METTL8: variants seen among roughly 807,000 people sequenced by gnomAD.
METTL8 encodes the protein tRNA N(3)-cytidine methyltransferase METTL8, mitochondrial.
METTL8 carries 32 observed loss-of-function variants against 48.7 expected under a neutral mutation model. That is an observed-to-expected ratio of 0.66 (90% CI 0.50 to 0.88). The LOEUF is 0.88. METTL8 is among the 40% of genes least tolerant of loss of function. The probability of loss-of-function intolerance (pLI) is 0.00; values close to 1 mark genes in which losing one functional copy is unlikely to be tolerated. For synonymous variants in METTL8, 136 were observed against 157.1 expected, an observed-to-expected ratio of 0.87 and a Z score of 1.01; for missense variants, 464 against 474.4, an observed-to-expected ratio of 0.98 and a Z score of 0.20.
intron 1 of METTL8, among the ~76,000 whole-genome samples, chr2:171,404,091 A>ATATATATATG: frequency 9.3e-6 from 1 of 107,418 alleles, no homozygotes; most frequent in South Asian, 3.0e-4. Flanking sequence ...ATATATATAT[A>ATATATATATG]TATATATATG....
chr2:171,356,996 G>T (rs1457109639), intron 3 of METTL8, among the ~76,000 whole-genome samples: 1 of 112,892 alleles, frequency 8.9e-6, no homozygotes, highest in African/African-American at 3.2e-5. Flanking sequence ...CTGTCACCCA[G>T]GCTGCAGTGC....
chr2:171,433,515 C>A (rs1439704892), intron 1 of METTL8, among the ~76,000 whole-genome samples: 1 of 152,138 alleles, frequency 6.6e-6, no homozygotes, highest in Non-Finnish European at 1.5e-5. Context: ...TGCAAGCTTG[C>A]TGAAAGTTTA....
chr2:171,361,523 T>C (rs1448159898), intron 2 of METTL8, among the ~76,000 whole-genome samples: 1 of 152,184 alleles, frequency 6.6e-6, no homozygotes, highest in African/African-American at 2.4e-5. Flanking sequence ...TAATTATAAT[T>C]ATAGTAACTG....
chr2:171,331,875 G>T lies in METTL8; in HGVS notation c.657-8C>A. On this transcript the variant is annotated splice_polypyrimidine_tract_variant and splice_region_variant and intron_variant, in intron 5 of 9. Transcript: ENST00000375258. ...AAGGACTCCGGAGAGTTCCTATGAA[G>T]ATGGAAGAAATATTTATTTATTTTT... is the stretch of plus-strand genomic sequence containing the variant. 1.3e-6 allele frequency: 2 copies of T among 1,579,948 alleles called. No individual in the cohort carries two copies. Among genetic ancestry groups the T allele is most frequent in the African/African-American group, 1.3e-5 (1 of 74,642 alleles).
intron 1 of METTL8, among the ~76,000 whole-genome samples, chr2:171,395,464 C>A (rs1486908556): frequency 6.6e-6 from 1 of 152,090 alleles, no homozygotes; most frequent in Non-Finnish European, 1.5e-5. Flanking sequence ...ATAAGGCAAG[C>A]ACTTTAAATA....
intron 3 of METTL8, among the ~76,000 whole-genome samples, chr2:171,347,733 T>C (rs764045654): frequency 9.8e-5 from 15 of 152,368 alleles, no homozygotes; most frequent in South Asian, 4.1e-4. Context: ...AGCACAGTTA[T>C]ACTTCTTCAG....
chr2:171,398,831 A>C (rs1406011434), intron 1 of METTL8, among the ~76,000 whole-genome samples: 1 of 152,172 alleles, frequency 6.6e-6, no homozygotes, highest in East Asian at 1.9e-4. Flanking sequence ...ACAATTAAAG[A>C]AGAGAAGCTA....
At chr2:171,398,608 G>A (rs142353349) in intron 1 of METTL8, among the ~76,000 whole-genome samples, 40 of 152,232 alleles carry the variant, frequency 2.6e-4, no homozygotes, top group South Asian at 1.7e-3. Flanking sequence ...GGATGAACAC[G>A]TCTACAGATC....
chr2:171,328,993 A>ATT (rs113422093), intron 7 of METTL8, among the ~76,000 whole-genome samples: 2 of 119,228 alleles, frequency 1.7e-5, no homozygotes, highest in African/African-American at 6.1e-5. Flanking sequence ...CCAGCCTTTT[A>ATT]TTTTTTTTTT....
At chr2:171,424,650 G>T (rs981767940) in intron 1 of METTL8, among the ~76,000 whole-genome samples, 10 of 152,232 alleles carry the variant, frequency 6.6e-5, no homozygotes, top group Admixed American at 3.9e-4. Flanking sequence ...TTTGGAATGG[G>T]TGTATTTACC....
At chr2:171,378,968 C>T (rs1207643699) in intron 2 of METTL8, among the ~76,000 whole-genome samples, 1 of 152,200 alleles carries the variant, frequency 6.6e-6, no homozygotes, top group East Asian at 1.9e-4. Flanking sequence ...CTTCTCAGTG[C>T]CATATGGCAC....
intron 3 of METTL8, among the ~76,000 whole-genome samples, chr2:171,352,283 A>T (rs1230910872): frequency 1.3e-5 from 2 of 152,162 alleles, no homozygotes; most frequent in Admixed American, 6.5e-5. Flanking sequence ...GTGTATGTTG[A>T]ACCAGCCTTG....
At chr2:171,399,836 A>G in intron 1 of METTL8, among the ~76,000 whole-genome samples, 1 of 152,092 alleles carries the variant, frequency 6.6e-6, no homozygotes, top group East Asian at 1.9e-4. Flanking sequence ...TGCAAATTGA[A>G]AAAATATTTT....
At chr2:171,384,827 G>A (rs1687892746) in intron 2 of METTL8, among the ~76,000 whole-genome samples, 4 of 152,080 alleles carry the variant, frequency 2.6e-5, no homozygotes, top group Admixed American at 2.6e-4. Flanking sequence ...GCAAGATGCT[G>A]TCTTTAAATT....
chr2:171,331,495 C>T (rs1685527418), intron 6 of METTL8, among the ~76,000 whole-genome samples: 2 of 151,828 alleles, frequency 1.3e-5, no homozygotes, highest in African/African-American at 2.4e-5. Context: ...TGGCACACCG[C>T]AACCTCCACC....
chr2:171,412,140 T>G (rs145415390), intron 1 of METTL8, among the ~76,000 whole-genome samples: 1 of 152,334 alleles, frequency 6.6e-6, no homozygotes, highest in Admixed American at 6.5e-5. Flanking sequence ...GCCCAAAGAT[T>G]GGGCAAGTTC....
intron 3 of METTL8, among the ~76,000 whole-genome samples, 164 bp downstream of exon 3, chr2:171,360,258 T>G (rs533699384): frequency 6.6e-6 from 1 of 152,188 alleles, no homozygotes; most frequent in Non-Finnish European, 1.5e-5. Context: ...AATACAAATT[T>G]CATTAACTTT....
At chr2:171,368,988 C>T (rs572411066) in intron 2 of METTL8, among the ~76,000 whole-genome samples, 1 of 152,092 alleles carries the variant, frequency 6.6e-6, no homozygotes, top group African/African-American at 2.4e-5. Flanking sequence ...AAAAACCCCA[C>T]AATTATCTGA....
chr2:171,400,598 C>A (rs1018509731), intron 1 of METTL8, among the ~76,000 whole-genome samples: 1 of 152,166 alleles, frequency 6.6e-6, no homozygotes, highest in Non-Finnish European at 1.5e-5. Context: ...TGAACCCATA[C>A]ATAACAATAT....
Sources: allele counts gnomAD v4.1 joint callset (sites outside exome capture counted in the v4.1 genomes callset), GRCh38; gene constraint gnomAD v4.1.1; transcripts MANE v1.5; gene names NCBI Gene and HGNC (gene_info 2026-07-23, HGNC 2026-07-21).